TAOK1: variants seen among roughly 807,000 people sequenced by gnomAD.
The protein encoded by TAOK1 is TAO kinase 1.
A neutral mutation model predicts 138.3 loss-of-function variants in TAOK1; 21 were observed. The ratio of observed to expected loss-of-function variants is 0.15; its 90% CI spans 0.11 to 0.22. TAOK1 has a LOEUF of 0.22. Among genes scored for constraint, TAOK1 ranks in the 10% least tolerant of loss-of-function variants. TAOK1 has a pLI of 1.00. For synonymous variants in TAOK1, 361 were observed against 398.4 expected (o/e 0.91, Z 1.12); for missense variants, 651 against 1,227.7 (o/e 0.53, Z 7.02).
At chr17:29,432,548 T>C (rs944203590) in intron 1 of TAOK1, among the ~76,000 whole-genome samples, 1 of 152,202 alleles carries the variant, frequency 6.6e-6, no homozygotes, top group Non-Finnish European at 1.5e-5. Context: ...GACAGGCTGG[T>C]CTCAAACTCC....
At chr17:29,417,911 A>G (rs1905308439) in intron 1 of TAOK1, among the ~76,000 whole-genome samples, 1 of 151,874 alleles carries the variant, frequency 6.6e-6, no homozygotes, top group South Asian at 2.1e-4. Flanking sequence ...TTTCTTTCAC[A>G]GCGTCTTACT....
intron 18 of TAOK1, chr17:29,530,838 T>G (rs1161011044): frequency 1.8e-6 from 1 of 570,526 alleles, no homozygotes. Context: ...AGGTTCTAAA[T>G]AGGCTCCCTG....
chr17:29,521,412 T>C (rs1472908315), intron 16 of TAOK1, among the ~76,000 whole-genome samples: 1 of 152,254 alleles, frequency 6.6e-6, no homozygotes, highest in African/African-American at 2.4e-5. Flanking sequence ...GAGAACTTTT[T>C]GTTTATTAAC....
chr17:29,484,006 A>G (rs2031117882), intron 8 of TAOK1, among the ~76,000 whole-genome samples: 1 of 152,210 alleles, frequency 6.6e-6, no homozygotes, highest in Non-Finnish European at 1.5e-5. Context: ...AAATTGCATT[A>G]ATGGACCTGC....
chr17:29,517,470 G>A lies in TAOK1; in HGVS notation c.1722G>A (p.Gln574=), dbSNP rs549356621. ...EQLKEELNEN[Q]STPKKEKQEW... Reference sequence around the variant, plus strand: ...GTTGCCAGGAGCTAAATGAAAACCAGAGTACCCCCAAAAAAGAAAAACAGG... The same window carrying A: ...GTTGCCAGGAGCTAAATGAAAACCAAAGTACCCCCAAAAAAGAAAAACAGG... The change falls in exon 16 of 20, where the codon CAG becomes CAA. Residue 574 remains glutamine, a synonymous_variant. Transcript: ENST00000261716. 4.3e-5 allele frequency: 70 copies of A among 1,613,734 alleles called. No individual in the cohort carries two copies. The highest frequency in any genetic ancestry group is 5.9e-5 in the Non-Finnish European group (70 of 1,179,976).
At chr17:29,408,459 G>T (rs750294160) in intron 1 of TAOK1, among the ~76,000 whole-genome samples, 1 of 151,696 alleles carries the variant, frequency 6.6e-6, no homozygotes, top group African/African-American at 2.4e-5. Context: ...CGAGTGATCC[G>T]CTTGCTTTGG....
intron 1 of TAOK1, among the ~76,000 whole-genome samples, chr17:29,413,860 T>A (rs938448666): frequency 1.5e-4 from 22 of 151,586 alleles, no homozygotes; most frequent in African/African-American, 5.1e-4. Context: ...CGTACAATAT[T>A]TGACCTTTTG....
At chr17:29,506,154 A>G (rs1256464954) in intron 13 of TAOK1, among the ~76,000 whole-genome samples, 1 of 152,186 alleles carries the variant, frequency 6.6e-6, no homozygotes, top group African/African-American at 2.4e-5. Flanking sequence ...TTGAAGGGAT[A>G]TCTGCACTCC....
chr17:29,495,257 GT>G (rs2031389777), intron 10 of TAOK1, among the ~76,000 whole-genome samples: 1 of 152,146 alleles, frequency 6.6e-6, no homozygotes, highest in African/African-American at 2.4e-5. Flanking sequence ...CTTAGAATAT[GT>G]AAACCTTGAG....
intron 5 of TAOK1, 79 bp downstream of exon 5, chr17:29,477,785 T>G: frequency 1.1e-6 from 1 of 886,390 alleles, no homozygotes. Context: ...ATGATATTAA[T>G]ACCAAATAAT....
At chr17:29,446,484 G>A (rs573667359) in intron 1 of TAOK1, among the ~76,000 whole-genome samples, 16 of 152,062 alleles carry the variant, frequency 1.1e-4, no homozygotes, top group East Asian at 7.8e-4. Context: ...CTCGTGATCC[G>A]CCTGCCTTGG....
At chr17:29,430,594 G>A (rs1235987159) in intron 1 of TAOK1, among the ~76,000 whole-genome samples, 3 of 152,116 alleles carry the variant, frequency 2.0e-5, no homozygotes, top group East Asian at 1.9e-4. Flanking sequence ...AAAGGGAGTC[G>A]CCTCTGGTCC....
In TAOK1 at chr17:29,395,824, ATTTTTTTTTTT is replaced by A. The variant is rs1187461666; in HGVS notation, c.-95+4814_-95+4824del. Among the ~76,000 whole-genome samples, 5 of 72,102 alleles carry A rather than the reference ATTTTTTTTTTT, an allele frequency of 6.9e-5. No homozygotes were observed. The East Asian group carries it at 1.8e-3, about 26-fold the overall frequency. The allele number at this position is 72,102 out of a possible 152,430, so 47.3% of individuals were successfully genotyped here. A position where few individuals can be genotyped will look rare whatever the true frequency, so the allele number is the denominator to read the frequency against. ...AGGTACATGCCACCACGTCTGGCTA[ATTTTTTTTTTT>A]TTTTTTTTTTTTTGTAGAGATGGGG... is the stretch of plus-strand genomic sequence containing the variant. On this transcript the variant is annotated intron_variant, in intron 1 of 19. Transcript: ENST00000261716.
chr17:29,538,128 A>G (rs2032255309), intron 19 of TAOK1, among the ~76,000 whole-genome samples: 2 of 151,910 alleles, frequency 1.3e-5, no homozygotes, highest in South Asian at 4.1e-4. Flanking sequence ...AAAAAAAAAA[A>G]AAGGTAAACA....
chr17:29,526,927 G>C (rs2032021938), intron 17 of TAOK1, among the ~76,000 whole-genome samples: 1 of 150,290 alleles, frequency 6.7e-6, no homozygotes, highest in Non-Finnish European at 1.5e-5. Context: ...AGGAGATTGA[G>C]ACCATCTGGC....
intron 6 of TAOK1, 52 bp from the exon 7 acceptor site, chr17:29,480,316 A>G (rs2031033978): frequency 7.5e-7 from 1 of 1,327,476 alleles, no homozygotes; most frequent in Non-Finnish European, 1.1e-6. Context: ...ATCGTTTTAA[A>G]CATAATCTAT....
At position 29,477,724 on chromosome 17, in the gene TAOK1, A is replaced by G. The variant is rs763869502; in HGVS notation, c.352+18A>G. ...ACTAGAAGGTAAGTTCCCTTTGATTATTTTTTAAAAAGTATTCACAGAATA... is the reference window on the plus strand; with the variant it reads ...ACTAGAAGGTAAGTTCCCTTTGATTGTTTTTTAAAAAGTATTCACAGAATA... On this transcript the variant is annotated intron_variant, in intron 5 of 19. Transcript: ENST00000261716. The G allele has an allele frequency of 5.2e-5, 71 of 1,365,346 alleles. No individual in the cohort carries two copies. The highest frequency in any genetic ancestry group is 6.3e-5 in the Non-Finnish European group (65 of 1,033,906). 84.6% of individuals were successfully genotyped at this position (1,365,346 alleles called of 1,614,324 possible).
At position 29,544,099 on chromosome 17, in the gene TAOK1, T is replaced by A. The variant is rs1391842957; in HGVS notation, c.*1077T>A. On this transcript the variant is annotated 3_prime_UTR_variant, in exon 20 of 20. Transcript: ENST00000261716. ...TGCCGGAGGTGTTTGATGCCATATT[T>A]GCAAATTGCCATCTATTGAAATTCT... 6.6e-6 allele frequency: 1 copy of A among 152,658 alleles called. No homozygotes were observed. The highest frequency in any genetic ancestry group is 2.4e-5 in the African/African-American group (1 of 41,466). 9.5% of individuals were successfully genotyped at this position (152,658 alleles called of 1,614,324 possible).
At chr17:29,405,695 C>T (rs751225705) in intron 1 of TAOK1, among the ~76,000 whole-genome samples, 28 of 152,028 alleles carry the variant, frequency 1.8e-4, no homozygotes, top group Admixed American at 5.3e-4. Flanking sequence ...AGGAGAATTG[C>T]TTGAACCTGG....
Sources: allele counts gnomAD v4.1 joint callset (sites outside exome capture counted in the v4.1 genomes callset), GRCh38; gene constraint gnomAD v4.1.1; transcripts MANE v1.5; gene names NCBI Gene and HGNC (gene_info 2026-07-23, HGNC 2026-07-21).